SKAP1: variants seen among roughly 807,000 people sequenced by gnomAD.
The protein encoded by SKAP1 is src kinase associated phosphoprotein 1.
SKAP1 carries 44 observed loss-of-function variants against 58.5 expected under a neutral mutation model. That is an observed-to-expected ratio of 0.75 (90% confidence interval 0.59 to 0.97). SKAP1 has a LOEUF of 0.97. SKAP1 is among the 50% of genes least tolerant of loss of function. The probability of loss-of-function intolerance (pLI) is 0.00; values close to 1 mark genes in which losing one functional copy is unlikely to be tolerated. For missense variants in SKAP1, 390 were observed against 435.2 expected (o/e 0.90, Z 0.92); for synonymous variants, 127 against 149.7 (o/e 0.85, Z 1.11).
intron 4 of SKAP1, among the ~76,000 whole-genome samples, chr17:48,228,567 A>G (rs1417068370): frequency 6.6e-6 from 1 of 152,222 alleles, no homozygotes; most frequent in Admixed American, 6.5e-5. Flanking sequence ...AGAACTGAGG[A>G]AATAGCCTGG....
chr17:48,356,943 C>T (rs1456974109), intron 3 of SKAP1, among the ~76,000 whole-genome samples: 3 of 152,132 alleles, frequency 2.0e-5, no homozygotes, highest in Admixed American at 2.0e-4. Context: ...TCAAATTACC[C>T]TTTTCATCTA....
chr17:48,188,192 C>T (rs754752560), intron 5 of SKAP1, among the ~76,000 whole-genome samples: 4 of 152,168 alleles, frequency 2.6e-5, no homozygotes, highest in Non-Finnish European at 2.9e-5. Context: ...TTATATCTTT[C>T]GGGTTCTAAT....
rs555377626 is a variant in SKAP1 at position 48,246,699 on chromosome 17, T to C, written c.281-57199A>G. Among the ~76,000 whole-genome samples the C allele has an allele frequency of 3.3e-5, 5 of 152,248 alleles. No homozygotes were observed. The South Asian group carries it at 8.3e-4, about 25-fold the overall frequency. ...TTCAGGTCTCCTAACAGTGCAGAGA[T>C]CTCTGAGAGTTAATCACCCAATCCT... is the stretch of plus-strand genomic sequence containing the variant. On this transcript the variant is annotated intron_variant, in intron 4 of 12. Coordinates refer to ENST00000336915, the MANE Select transcript of SKAP1 (RefSeq NM_003726.4).
At chr17:48,377,577 CA>C (rs766249720) in intron 2 of SKAP1, among the ~76,000 whole-genome samples, 5,263 of 115,964 alleles carry the variant, frequency 0.045, 105 homozygotes, top group African/African-American at 0.054. Context: ...GACCCTGTCT[CA>C]AAAAAAAAAA....
intron 2 of SKAP1, among the ~76,000 whole-genome samples, chr17:48,390,972 G>A (rs1278339684): frequency 6.6e-6 from 1 of 152,054 alleles, no homozygotes; most frequent in African/African-American, 2.4e-5. Flanking sequence ...CTACTCGGGT[G>A]GCTGAGGCAC....
At chr17:48,201,991 G>C (rs1284566732) in intron 4 of SKAP1, among the ~76,000 whole-genome samples, 1 of 151,996 alleles carries the variant, frequency 6.6e-6, no homozygotes, top group Non-Finnish European at 1.5e-5. Context: ...CATGTACATT[G>C]GTTTGCATCC....
chr17:48,148,992 C>T (rs2143123332), intron 11 of SKAP1, among the ~76,000 whole-genome samples: 1 of 152,248 alleles, frequency 6.6e-6, no homozygotes, highest in South Asian at 2.1e-4. Context: ...TATCTCTTTT[C>T]CTTGCACCTT....
chr17:48,225,631 CT>C (rs2065059566), intron 4 of SKAP1, among the ~76,000 whole-genome samples: 3 of 152,266 alleles, frequency 2.0e-5, no homozygotes, highest in South Asian at 4.2e-4. Flanking sequence ...TGGAAAAAAG[CT>C]TTTTCTCCTT....
intron 1 of SKAP1, among the ~76,000 whole-genome samples, chr17:48,426,639 T>G (rs2067856247): frequency 6.6e-6 from 1 of 152,244 alleles, no homozygotes; most frequent in Non-Finnish European, 1.5e-5. Flanking sequence ...AGCCCCATTA[T>G]TTGAAAACAG....
At chr17:48,265,213 A>G (rs749090793) in intron 4 of SKAP1, among the ~76,000 whole-genome samples, 3 of 152,160 alleles carry the variant, frequency 2.0e-5, no homozygotes, top group Non-Finnish European at 4.4e-5. Context: ...TTTAATTAGT[A>G]AGAAAGCTAT....
chr17:48,394,625 G>T (rs1249258592), intron 2 of SKAP1, among the ~76,000 whole-genome samples: 2 of 152,216 alleles, frequency 1.3e-5, no homozygotes, highest in African/African-American at 4.8e-5. Flanking sequence ...ATAGGAGTAA[G>T]CCACTGCGTT....
chr17:48,360,689 C>A (rs1392268152), intron 3 of SKAP1, among the ~76,000 whole-genome samples: 1 of 152,134 alleles, frequency 6.6e-6, no homozygotes, highest in African/African-American at 2.4e-5. Flanking sequence ...ATCCCCTCTA[C>A]ATTAAAGTAA....
At chr17:48,198,454 C>CAAAAAAAAAA (rs55958821) in intron 4 of SKAP1, among the ~76,000 whole-genome samples, 7 of 49,960 alleles carry the variant, frequency 1.4e-4, no homozygotes, top group South Asian at 1.1e-3. Flanking sequence ...GACTCCGTCT[C>CAAAAAAAAAA]AAAAAAAAAA....
chr17:48,385,874 A>C (rs918883352), intron 2 of SKAP1, among the ~76,000 whole-genome samples: 3 of 152,106 alleles, frequency 2.0e-5, no homozygotes, highest in African/African-American at 7.2e-5. Context: ...AAGAGGAGAA[A>C]TGGTAGAGAC....
At chr17:48,357,881 A>G (rs2066896709) in intron 3 of SKAP1, among the ~76,000 whole-genome samples, 1 of 152,190 alleles carries the variant, frequency 6.6e-6, no homozygotes, top group Admixed American at 6.5e-5. Context: ...AAAAAGGGGG[A>G]AAATGCCTGA....
At chr17:48,428,260 A>G (rs2144629746) in intron 1 of SKAP1, among the ~76,000 whole-genome samples, 1 of 152,328 alleles carries the variant, frequency 6.6e-6, no homozygotes, top group East Asian at 1.9e-4. Flanking sequence ...ACTCCTCCAT[A>G]TATTTTAAAG....
At chr17:48,405,995 AGT>A (rs1384371000) in intron 1 of SKAP1, among the ~76,000 whole-genome samples, 1 of 151,526 alleles carries the variant, frequency 6.6e-6, no homozygotes, top group African/African-American at 2.4e-5. Flanking sequence ...GGCTGGGCCC[AGT>A]GGCTCACACC....
chr17:48,137,041 T>G (rs565769082), intron 12 of SKAP1, 188 bp downstream of exon 12: 4 of 512,304 alleles, frequency 7.8e-6, no homozygotes, highest in Non-Finnish European at 1.4e-5. Context: ...TAAGTGACAC[T>G]GTCCCCAAAT....
At chr17:48,277,720 C>A (rs1464291654) in intron 4 of SKAP1, among the ~76,000 whole-genome samples, 1 of 152,156 alleles carries the variant, frequency 6.6e-6, no homozygotes, top group Non-Finnish European at 1.5e-5. Flanking sequence ...GTTGCCCAGG[C>A]TCCCAAGTAG....
Sources: gnomAD v4.1 joint callset for allele counts (sites outside exome capture counted in the v4.1 genomes callset) on GRCh38, gnomAD v4.1.1 for gene constraint, MANE v1.5 for transcripts, NCBI Gene and HGNC (gene_info 2026-07-23, HGNC 2026-07-21) for gene names.